Variants in PDZD8 observed in about 807,000 individuals in gnomAD.
PDZD8 encodes PDZ domain containing 8, also known as PDZ domain-containing protein 8.
In PDZD8, 14 loss-of-function variants were observed where a neutral mutation model predicts 85.8. The observed-to-expected ratio is 0.16, with a 90% CI of 0.11 to 0.26. PDZD8 has a LOEUF of 0.26. Among genes scored for constraint, PDZD8 ranks in the 10% least tolerant of loss-of-function variants. The pLI, the probability that PDZD8 is intolerant of heterozygous loss-of-function variation, is 1.00. For synonymous variants in PDZD8, 592 were observed against 568.6 expected (o/e 1.04, Z -0.59); for missense variants, 1,197 against 1,424.3 (o/e 0.84, Z 2.57).
At chr10:117,309,031 C>T (rs1432624899) in intron 3 of PDZD8, among the ~76,000 whole-genome samples, 2 of 152,012 alleles carry the variant, frequency 1.3e-5, no homozygotes, top group South Asian at 4.1e-4. Flanking sequence ...GTTCTGCATC[C>T]GTGTATGGCT....
intron 3 of PDZD8, among the ~76,000 whole-genome samples, chr10:117,291,024 T>G (rs937560917): frequency 6.6e-6 from 1 of 151,174 alleles, no homozygotes; most frequent in African/African-American, 2.4e-5. Context: ...CGTGCACCAC[T>G]ACGCCTGGCA....
chr10:117,358,030 A>G (rs559687576), intron 1 of PDZD8, among the ~76,000 whole-genome samples: 1 of 152,182 alleles, frequency 6.6e-6, no homozygotes, highest in African/African-American at 2.4e-5. Flanking sequence ...TGAGTTGACA[A>G]CTGTTAAAGA....
intron 1 of PDZD8, among the ~76,000 whole-genome samples, chr10:117,349,885 A>G (rs937274600): frequency 2.6e-5 from 4 of 152,344 alleles, no homozygotes; most frequent in Admixed American, 2.0e-4. Flanking sequence ...AACTATATCA[A>G]AAAAGGCAAA....
intron 1 of PDZD8, among the ~76,000 whole-genome samples, chr10:117,367,909 GA>G (rs58822160): frequency 0.024 from 3,434 of 142,660 alleles, 129 homozygotes; most frequent in African/African-American, 0.08. Context: ...AACGAGAGAG[GA>G]AAAAAAAAAA....
chr10:117,328,965 G>A (rs1753321125), intron 2 of PDZD8, among the ~76,000 whole-genome samples: 2 of 152,184 alleles, frequency 1.3e-5, no homozygotes, highest in African/African-American at 2.4e-5. Flanking sequence ...CACTGGAAAC[G>A]TGAGTACCAG....
chr10:117,318,793 G>A, intron 3 of PDZD8, 79 bp downstream of exon 3: 1 of 1,045,712 alleles, frequency 9.6e-7, no homozygotes, highest in Non-Finnish European at 1.4e-6. Context: ...AATAACTCTA[G>A]GAATACAGAA....
At chr10:117,323,195 T>C (rs1346003239) in intron 2 of PDZD8, among the ~76,000 whole-genome samples, 4 of 152,182 alleles carry the variant, frequency 2.6e-5, no homozygotes, top group Non-Finnish European at 4.4e-5. Context: ...AATTAATTGG[T>C]AGAGAGAATG....
chr10:117,363,400 G>A (rs1206291130), intron 1 of PDZD8, among the ~76,000 whole-genome samples: 1 of 152,074 alleles, frequency 6.6e-6, no homozygotes, highest in East Asian at 1.9e-4. Context: ...TTTCAAAATA[G>A]AGATTCTTGT....
At chr10:117,346,514 T>C (rs1844711960) in intron 1 of PDZD8, among the ~76,000 whole-genome samples, 1 of 151,762 alleles carries the variant, frequency 6.6e-6, no homozygotes, top group Non-Finnish European at 1.5e-5. Context: ...TATTAATAAG[T>C]AATTTTTAGG....
In PDZD8 at chr10:117,279,944, T is replaced by A. The variant is rs1180345829; in HGVS notation, c.*3324A>T. 6.6e-6 allele frequency: 1 copy of A among 152,228 alleles called. No individual in the cohort carries two copies. Among genetic ancestry groups the A allele is most frequent in the South Asian group, 2.1e-4 (1 of 4,828 alleles). 9.4% of individuals were successfully genotyped at this position (152,228 alleles called of 1,614,324 possible). A position where few individuals can be genotyped will look rare whatever the true frequency, so the allele number is the denominator to read the frequency against. On this transcript the variant is annotated 3_prime_UTR_variant, in exon 5 of 5. Transcript: ENST00000334464. ...ATGTCAATTTAGAAGACAGTATTTT[T>A]AAAAGTAGGTATTTAAAATTTATTC...
At chr10:117,303,760 T>C (rs1843887107) in intron 3 of PDZD8, among the ~76,000 whole-genome samples, 1 of 152,248 alleles carries the variant, frequency 6.6e-6, no homozygotes, top group South Asian at 2.1e-4. Flanking sequence ...GGCCAACGTA[T>C]AGCTTGGGCT....
chr10:117,283,468 G>C lies in PDZD8; in HGVS notation c.3265C>G (p.Leu1089Val). Residue 1089 changes from leucine to valine, a missense_variant, in exon 5 of 5, where the codon CTT becomes GTT. Coordinates refer to ENST00000334464, the MANE Select transcript of PDZD8 (RefSeq NM_173791.5). ...KSGERLQALT[L>V]LMIHYRAGIE... The stretch of plus-strand genomic sequence containing the variant: ...CCTGCTCTGTAGTGAATCATAAGAA[G>C]TGTTAGAGCTTGTAGCCTTTCACCT... 1.9e-6 allele frequency: 3 copies of C among 1,614,064 alleles called. No individual in the cohort carries two copies. Among genetic ancestry groups the C allele is most frequent in the Non-Finnish European group, 2.5e-6 (3 of 1,179,900 alleles).
intron 2 of PDZD8, among the ~76,000 whole-genome samples, chr10:117,333,117 C>CA (rs752527474): frequency 0.039 from 278 of 7,206 alleles, 18 homozygotes; most frequent in East Asian, 0.13. Context: ...GACTCTGTCT[C>CA]AAAAAAAAAA....
chr10:117,348,114 T>C (rs1257685639), intron 1 of PDZD8, among the ~76,000 whole-genome samples: 1 of 152,218 alleles, frequency 6.6e-6, no homozygotes, highest in East Asian at 1.9e-4. Context: ...TGAATTATAT[T>C]TCAATATAGC....
chr10:117,305,535 G>T lies in PDZD8; in HGVS notation c.1098+13337C>A, dbSNP rs192614859. On this transcript the variant is annotated intron_variant, in intron 3 of 4. Coordinates refer to ENST00000334464, the MANE Select transcript of PDZD8 (RefSeq NM_173791.5). ...ACACACATATATGGAGAGAGAGAGAGATATTCTTATAGGGGTGCATTTGAA... is the reference window on the plus strand; with the variant it reads ...ACACACATATATGGAGAGAGAGAGATATATTCTTATAGGGGTGCATTTGAA... Among the ~76,000 whole-genome samples, 8 of 151,490 alleles carry T rather than the reference G, an allele frequency of 5.3e-5. No individual in the cohort carries two copies. The East Asian group carries it at 5.8e-4, about 11-fold the overall frequency.
chr10:117,329,803 G>A (rs542926423), intron 2 of PDZD8, among the ~76,000 whole-genome samples: 2 of 151,246 alleles, frequency 1.3e-5, no homozygotes, highest in Admixed American at 6.6e-5. Flanking sequence ...AAAAGGAGTT[G>A]GGTATGGTGG....
intron 1 of PDZD8, among the ~76,000 whole-genome samples, chr10:117,358,904 A>G (rs1844945721): frequency 6.6e-6 from 1 of 152,286 alleles, no homozygotes; most frequent in South Asian, 2.1e-4. Context: ...ATTAAGGATG[A>G]ATTCCTACAG....
At chr10:117,330,661 A>C (rs1351214736) in intron 2 of PDZD8, among the ~76,000 whole-genome samples, 1 of 152,176 alleles carries the variant, frequency 6.6e-6, no homozygotes, top group East Asian at 1.9e-4. Context: ...TGAGGCATTT[A>C]CTTCCTCACC....
At chr10:117,344,960 T>C (rs902186191) in intron 1 of PDZD8, among the ~76,000 whole-genome samples, 12 of 152,062 alleles carry the variant, frequency 7.9e-5, no homozygotes, top group African/African-American at 2.4e-5. Flanking sequence ...AGTGGTTCCA[T>C]AGTGGGAAAG....
Sources: gnomAD v4.1 joint callset for allele counts (sites outside exome capture counted in the v4.1 genomes callset) on GRCh38, gnomAD v4.1.1 for gene constraint, MANE v1.5 for transcripts, NCBI Gene and HGNC (gene_info 2026-07-23, HGNC 2026-07-21) for gene names.